AGBL1: variants seen among roughly 807,000 people sequenced by gnomAD.
AGBL1 encodes the protein cytosolic carboxypeptidase 4.
Under a neutral mutation model 118.9 loss-of-function variants are expected in AGBL1, and 130 were observed. That is an observed-to-expected ratio of 1.09 (90% CI 0.95 to 1.26). The LOEUF (loss-of-function observed/expected upper bound fraction) is 1.26, where lower values mean the gene tolerates loss of function less well. Among genes scored for constraint, AGBL1 ranks in the 50% most tolerant of loss-of-function variants. AGBL1 has a pLI of 0.00. For synonymous variants in AGBL1, 555 were observed against 478.9 expected (o/e 1.16, Z -2.08); for missense variants, 1,584 against 1,298.1 (o/e 1.22, Z -3.38).
intron 22 of AGBL1, among the ~76,000 whole-genome samples, chr15:86,741,582 T>C (rs2077680945): frequency 6.6e-6 from 1 of 151,874 alleles, no homozygotes; most frequent in South Asian, 2.1e-4. Flanking sequence ...TAGTTCTGCA[T>C]GTTGATGAAG....
intron 24 of AGBL1, among the ~76,000 whole-genome samples, chr15:87,023,798 A>G (rs182586086): frequency 1.1e-4 from 17 of 152,070 alleles, no homozygotes; most frequent in Non-Finnish European, 1.8e-4. Flanking sequence ...TCAGACCACA[A>G]TGGAATAAAA....
chr15:86,714,518 G>T (rs766544486), intron 22 of AGBL1, among the ~76,000 whole-genome samples: 4 of 151,900 alleles, frequency 2.6e-5, no homozygotes, highest in African/African-American at 9.7e-5. Flanking sequence ...GAGCCTGAGT[G>T]GTATGAGACA....
At chr15:86,193,690 GAGA>G (rs768241700) in intron 5 of AGBL1, among the ~76,000 whole-genome samples, 13 of 152,168 alleles carry the variant, frequency 8.5e-5, no homozygotes, top group East Asian at 5.8e-4. Flanking sequence ...TAATTCAGTG[GAGA>G]AGACCAGTGT....
chr15:86,410,863 A>ATACTATTTT (rs2081604383), intron 18 of AGBL1, among the ~76,000 whole-genome samples: 2 of 68,780 alleles, frequency 2.9e-5, no homozygotes, highest in African/African-American at 1.0e-4. Flanking sequence ...TTATATATAA[A>ATACTATTTT]ATATATAATA....
intron 22 of AGBL1, among the ~76,000 whole-genome samples, chr15:86,860,938 C>T (rs921347998): frequency 2.0e-5 from 3 of 152,100 alleles, no homozygotes; most frequent in African/African-American, 7.2e-5. Flanking sequence ...TCTTGTGCCT[C>T]CCCAGCCCAG....
At chr15:86,930,782 A>G (rs1239157586) in intron 23 of AGBL1, among the ~76,000 whole-genome samples, 1 of 152,188 alleles carries the variant, frequency 6.6e-6, no homozygotes, top group African/African-American at 2.4e-5. Context: ...ATAGATATAA[A>G]GGAAAATCTT....
chr15:86,425,319 C>G (rs555429787), intron 18 of AGBL1, among the ~76,000 whole-genome samples: 1 of 151,012 alleles, frequency 6.6e-6, no homozygotes, highest in East Asian at 2.0e-4. Flanking sequence ...TGTTCTCACT[C>G]ATAAGTGGGA....
intron 17 of AGBL1, among the ~76,000 whole-genome samples, chr15:86,309,062 C>A (rs1258075150): frequency 6.6e-6 from 1 of 152,010 alleles, no homozygotes; most frequent in Non-Finnish European, 1.5e-5. Context: ...ACATGGTATA[C>A]CTTTCCATTT....
chr15:86,300,503 T>C (rs1841631522), intron 17 of AGBL1, among the ~76,000 whole-genome samples: 1 of 152,216 alleles, frequency 6.6e-6, no homozygotes, highest in South Asian at 2.1e-4. Flanking sequence ...ATTCTCTAAA[T>C]GAATAGTCAC....
At chr15:86,435,516 A>G (rs2081991378) in intron 18 of AGBL1, among the ~76,000 whole-genome samples, 1 of 152,210 alleles carries the variant, frequency 6.6e-6, no homozygotes, top group Non-Finnish European at 1.5e-5. Flanking sequence ...GCTAATTTTA[A>G]AAGAATAATC....
intron 22 of AGBL1, among the ~76,000 whole-genome samples, chr15:86,820,334 C>T (rs2141386453): frequency 6.6e-6 from 1 of 152,262 alleles, no homozygotes; most frequent in South Asian, 2.1e-4. Context: ...GCAAAAGAAA[C>T]TATCACCAGA....
At chr15:87,012,158 T>A (rs1281695219) in intron 24 of AGBL1, among the ~76,000 whole-genome samples, 2 of 151,370 alleles carry the variant, frequency 1.3e-5, no homozygotes, top group Non-Finnish European at 2.9e-5. Context: ...CATGTTAGTT[T>A]CTTCTAGTAC....
chr15:86,227,531 C>T (rs2078386274), intron 6 of AGBL1, among the ~76,000 whole-genome samples: 1 of 152,244 alleles, frequency 6.6e-6, no homozygotes, highest in Non-Finnish European at 1.5e-5. Flanking sequence ...TATCATGCCT[C>T]AGTTGTAACC....
chr15:86,819,690 T>G (rs1359487778), intron 22 of AGBL1, among the ~76,000 whole-genome samples: 1 of 152,078 alleles, frequency 6.6e-6, no homozygotes, highest in Non-Finnish European at 1.5e-5. Context: ...AGAGGCAGAA[T>G]CTACATTATG....
chr15:86,720,515 G>C (rs8039025), intron 22 of AGBL1, among the ~76,000 whole-genome samples: 57,792 of 152,074 alleles, frequency 0.38, 11,388 homozygotes, highest in Non-Finnish European at 0.44. Context: ...TTACTTCGCT[G>C]CCAATGGGGC....
chr15:86,085,788 T>C (rs530875600), intron 1 of AGBL1, among the ~76,000 whole-genome samples: 1 of 152,304 alleles, frequency 6.6e-6, no homozygotes, highest in South Asian at 2.1e-4. Flanking sequence ...GTTGTTGTTG[T>C]TGTTTTTAAT....
At chr15:86,478,695 C>G (rs1364998684) in intron 18 of AGBL1, among the ~76,000 whole-genome samples, 3 of 152,156 alleles carry the variant, frequency 2.0e-5, no homozygotes, top group Non-Finnish European at 2.9e-5. Flanking sequence ...CCCCATCAAG[C>G]TACCAATGAC....
At chr15:86,454,303 G>C (rs1402358233) in intron 18 of AGBL1, among the ~76,000 whole-genome samples, 2 of 152,152 alleles carry the variant, frequency 1.3e-5, no homozygotes, top group Admixed American at 1.3e-4. Context: ...AGAACGATTG[G>C]AACTCTCTTA....
At chr15:86,735,437 T>A (rs1313431975) in intron 22 of AGBL1, among the ~76,000 whole-genome samples, 2 of 151,946 alleles carry the variant, frequency 1.3e-5, no homozygotes, top group Admixed American at 6.6e-5. Context: ...ACACACACAT[T>A]AATGCTGAGT....
Sources: gnomAD v4.1 joint callset for allele counts (sites outside exome capture counted in the v4.1 genomes callset) on GRCh38, gnomAD v4.1.1 for gene constraint, MANE v1.5 for transcripts, NCBI Gene and HGNC (gene_info 2026-07-23, HGNC 2026-07-21) for gene names.